The following SEMA5A variants were observed in gnomAD, a reference collection of about 807,000 sequenced individuals.
SEMA5A encodes the protein semaphorin-5A.
In SEMA5A, 55 loss-of-function variants were observed where a neutral mutation model predicts 135.5. The ratio of observed to expected loss-of-function variants is 0.41; its 90% CI spans 0.33 to 0.51. SEMA5A has a LOEUF of 0.51. SEMA5A is among the 20% of genes least tolerant of loss of function. SEMA5A has a pLI of 0.37. For missense variants in SEMA5A, 1,290 were observed against 1,419.9 expected, an observed-to-expected ratio of 0.91 and a Z score of 1.47; for synonymous variants, 580 against 546.5, an observed-to-expected ratio of 1.06 and a Z score of -0.85.
At chr5:9,458,599 G>A (rs1312319007) in intron 1 of SEMA5A, among the ~76,000 whole-genome samples, 1 of 152,182 alleles carries the variant, frequency 6.6e-6, no homozygotes, top group Admixed American at 6.5e-5. Flanking sequence ...CAAGATGGTG[G>A]CAAACTGCTC....
intron 5 of SEMA5A, among the ~76,000 whole-genome samples, chr5:9,257,228 G>T (rs970798342): frequency 2.0e-5 from 3 of 152,134 alleles, no homozygotes; most frequent in African/African-American, 7.2e-5. Flanking sequence ...TCCACTGAGA[G>T]GTAATAAACA....
intron 11 of SEMA5A, among the ~76,000 whole-genome samples, chr5:9,156,673 CTG>C (rs1310790393): frequency 6.6e-6 from 1 of 152,194 alleles, no homozygotes; most frequent in African/African-American, 2.4e-5. Flanking sequence ...TGGAGGATCA[CTG>C]TGCTGTGACC....
chr5:9,205,244 G>A (rs1006895519), intron 8 of SEMA5A, among the ~76,000 whole-genome samples: 3 of 152,110 alleles, frequency 2.0e-5, no homozygotes, highest in Non-Finnish European at 2.9e-5. Flanking sequence ...TCTAAGGGGG[G>A]TTTCAGAACC....
intron 3 of SEMA5A, among the ~76,000 whole-genome samples, chr5:9,362,321 C>G (rs935547091): frequency 6.6e-6 from 1 of 152,164 alleles, no homozygotes; most frequent in African/African-American, 2.4e-5. Flanking sequence ...TCCCCTGGAA[C>G]TGTCCCTTTC....
At chr5:9,525,353 C>G (rs368373433) in intron 1 of SEMA5A, among the ~76,000 whole-genome samples, 1 of 152,166 alleles carries the variant, frequency 6.6e-6, no homozygotes, top group African/African-American at 2.4e-5. Context: ...GTAAAGGCAC[C>G]AGGATTTCAG....
chr5:9,144,076 A>G (rs1742202742), intron 12 of SEMA5A, among the ~76,000 whole-genome samples: 1 of 152,180 alleles, frequency 6.6e-6, no homozygotes, highest in Non-Finnish European at 1.5e-5. Flanking sequence ...GGAAGAAAAG[A>G]AAATAATTAC....
At position 9,038,077 on chromosome 5, in the gene SEMA5A, T is replaced by C. The variant is rs1348793502; in HGVS notation, c.*4820A>G. On this transcript the variant is annotated 3_prime_UTR_variant, in exon 23 of 23. Coordinates refer to ENST00000382496, the MANE Select transcript of SEMA5A (RefSeq NM_003966.3). Reference sequence around the variant, plus strand: ...CATAGGTAATCAAATATTGGTAACGTTGTGTCAACATGCTTCCCCAAGTGC... The same window carrying C: ...CATAGGTAATCAAATATTGGTAACGCTGTGTCAACATGCTTCCCCAAGTGC... 1 of 152,136 alleles carries C rather than the reference T, an allele frequency of 6.6e-6. No homozygotes were observed. The highest frequency in any genetic ancestry group is 2.4e-5 in the African/African-American group (1 of 41,416). The allele number at this position is 152,136 out of a possible 1,614,324, so 9.4% of individuals were successfully genotyped here. A position where few individuals can be genotyped will look rare whatever the true frequency, so the allele number is the denominator to read the frequency against.
At chr5:9,097,090 AAG>A (rs1252711561) in intron 16 of SEMA5A, among the ~76,000 whole-genome samples, 3 of 152,178 alleles carry the variant, frequency 2.0e-5, no homozygotes, top group African/African-American at 7.2e-5. Context: ...TTACTTTAAA[AAG>A]AGGGGGGAAA....
intron 2 of SEMA5A, among the ~76,000 whole-genome samples, chr5:9,424,129 G>A (rs1172169744): frequency 6.6e-6 from 1 of 152,152 alleles, no homozygotes; most frequent in Non-Finnish European, 1.5e-5. Context: ...CAACTGGAAA[G>A]AGCCTGGCTT....
At chr5:9,146,103 C>T (rs1560959874) in intron 12 of SEMA5A, among the ~76,000 whole-genome samples, 1 of 152,138 alleles carries the variant, frequency 6.6e-6, no homozygotes, top group South Asian at 2.1e-4. Flanking sequence ...AGCAGTTTCA[C>T]GTGTTGATGG....
At chr5:9,266,087 G>A (rs753817387) in intron 5 of SEMA5A, among the ~76,000 whole-genome samples, 2 of 152,176 alleles carry the variant, frequency 1.3e-5, no homozygotes, top group African/African-American at 4.8e-5. Flanking sequence ...CCTCAATGCC[G>A]CACTGTATGA....
chr5:9,060,617 T>C (rs533690833), intron 18 of SEMA5A, among the ~76,000 whole-genome samples: 1 of 152,066 alleles, frequency 6.6e-6, no homozygotes, highest in African/African-American at 2.4e-5. Flanking sequence ...CAGCATCAGC[T>C]TGGCTGGGAA....
Position 9,042,621 on chromosome 5 carries a change from C to A in SEMA5A, c.*276G>T. On this transcript the variant is annotated 3_prime_UTR_variant, in exon 23 of 23. Transcript: ENST00000382496. ...CATTTATAAAATAATGCTCAAAAAA[C>A]AAACCAATGGACTTGTCAGAAAAAT... is the stretch of plus-strand genomic sequence containing the variant. 1 of 364,892 alleles carries A rather than the reference C, an allele frequency of 2.7e-6. No individual in the cohort carries two copies. Among genetic ancestry groups the A allele is most frequent in the African/African-American group, 2.1e-5 (1 of 46,662 alleles). The allele number at this position is 364,892 out of a possible 1,614,324, so 22.6% of individuals were successfully genotyped here.
intron 8 of SEMA5A, among the ~76,000 whole-genome samples, chr5:9,208,114 T>C (rs924126548): frequency 2.0e-5 from 3 of 152,224 alleles, no homozygotes; most frequent in Non-Finnish European, 4.4e-5. Flanking sequence ...TACAGTATCA[T>C]TGTGAGAATC....
intron 18 of SEMA5A, among the ~76,000 whole-genome samples, chr5:9,058,846 T>A (rs1388866536): frequency 6.6e-6 from 1 of 152,186 alleles, no homozygotes; most frequent in Non-Finnish European, 1.5e-5. Flanking sequence ...ACAGCTGTGC[T>A]CTCTGCTCCT....
chr5:9,503,233 G>A (rs1331147292), intron 1 of SEMA5A, among the ~76,000 whole-genome samples: 1 of 152,200 alleles, frequency 6.6e-6, no homozygotes, highest in Non-Finnish European at 1.5e-5. Context: ...CACCCCCCAG[G>A]AGGAAGAGAC....
At chr5:9,105,783 T>C (rs890257865) in intron 16 of SEMA5A, among the ~76,000 whole-genome samples, 5 of 152,226 alleles carry the variant, frequency 3.3e-5, no homozygotes, top group Non-Finnish European at 7.3e-5. Flanking sequence ...TTTTTATACT[T>C]ACAGCTACTA....
intron 13 of SEMA5A, among the ~76,000 whole-genome samples, chr5:9,125,610 A>G (rs1297630475): frequency 6.6e-6 from 1 of 151,996 alleles, no homozygotes; most frequent in Non-Finnish European, 1.5e-5. Flanking sequence ...GTTTTCTGTT[A>G]GAGCAATTCT....
intron 11 of SEMA5A, among the ~76,000 whole-genome samples, chr5:9,180,505 T>TA (rs76709309): frequency 0.16 from 23,852 of 148,922 alleles, 2,137 homozygotes; most frequent in East Asian, 0.25. Flanking sequence ...GGAGTGAATG[T>TA]AAAAAAAAAA....
Sources: gnomAD v4.1 joint callset for allele counts (sites outside exome capture counted in the v4.1 genomes callset) on GRCh38, gnomAD v4.1.1 for gene constraint, MANE v1.5 for transcripts, NCBI Gene and HGNC (gene_info 2026-07-23, HGNC 2026-07-21) for gene names.